Variants in VPS13A observed in about 807,000 individuals in gnomAD.
The protein encoded by VPS13A is vacuolar protein sorting 13 homolog A, also known as intermembrane lipid transfer protein VPS13A.
In VPS13A, 264 loss-of-function variants were observed where a neutral mutation model predicts 390.9. The observed-to-expected ratio is 0.68, with a 90% CI of 0.61 to 0.75. The LOEUF is 0.75. VPS13A is among the 30% of genes least tolerant of loss of function. The pLI is 0.00. For missense variants in VPS13A, 3,409 were observed against 3,733.9 expected, an observed-to-expected ratio of 0.91 and a Z score of 2.27; for synonymous variants, 1,231 against 1,227.1, an observed-to-expected ratio of 1.00 and a Z score of -0.07.
At chr9:77,349,151 A>G (rs1378434458) in intron 52 of VPS13A, among the ~76,000 whole-genome samples, 1 of 152,156 alleles carries the variant, frequency 6.6e-6, no homozygotes, top group East Asian at 1.9e-4. Context: ...CTGTAATCCA[A>G]ATACTGTCAA....
At chr9:77,390,997 A>G (rs2131628860) in intron 68 of VPS13A, among the ~76,000 whole-genome samples, 1 of 152,350 alleles carries the variant, frequency 6.6e-6, no homozygotes, top group South Asian at 2.1e-4. Flanking sequence ...ACATTAAAAG[A>G]AATCCTCAAA....
chr9:77,237,979 T>G, intron 17 of VPS13A, 23 bp from the exon 18 acceptor site: 1 of 1,555,004 alleles, frequency 6.4e-7, no homozygotes, highest in Non-Finnish European at 8.8e-7. Flanking sequence ...ATCGCTGACT[T>G]TTTTCTTTTT....
chr9:77,216,705 A>T lies in VPS13A; in HGVS notation c.754+2319A>T, dbSNP rs1278209075. On this transcript the variant is annotated intron_variant, in intron 10 of 71. Transcript: ENST00000360280. ...TAATAGGACAGGTGTATATTTAAAG[A>T]TGAGTTTATTAAGGAGTATTGACTC... Among the ~76,000 whole-genome samples the T allele has an allele frequency of 3.3e-5, 5 of 152,280 alleles. No homozygotes were observed. In the South Asian group the frequency reaches 8.3e-4, roughly 25 times the overall value.
chr9:77,325,114 A>G (rs747707649), intron 45 of VPS13A, among the ~76,000 whole-genome samples: 2 of 152,226 alleles, frequency 1.3e-5, no homozygotes, highest in African/African-American at 2.4e-5. Flanking sequence ...CAGTACCTGG[A>G]TTTAACCACA....
intron 3 of VPS13A, among the ~76,000 whole-genome samples, chr9:77,204,561 TAC>T (rs1425234003): frequency 1.3e-5 from 2 of 152,202 alleles, no homozygotes; most frequent in Non-Finnish European, 2.9e-5. Flanking sequence ...CATACATACA[TAC>T]GTATGTAACA....
chr9:77,289,190 A>G (rs535910002), intron 31 of VPS13A, among the ~76,000 whole-genome samples: 3 of 152,270 alleles, frequency 2.0e-5, no homozygotes, highest in African/African-American at 7.2e-5. Context: ...CTAAGTAGTA[A>G]GTAGCTGGGA....
intron 7 of VPS13A, 82 bp downstream of exon 7, chr9:77,210,757 A>G (rs1825937491): frequency 2.1e-6 from 3 of 1,399,000 alleles, no homozygotes; most frequent in Admixed American, 3.4e-5. Context: ...ATATGCCAGC[A>G]TCAGAAATAG....
At chr9:77,410,239 A>T (rs1300808333) in intron 71 of VPS13A, among the ~76,000 whole-genome samples, 2 of 152,168 alleles carry the variant, frequency 1.3e-5, no homozygotes, top group African/African-American at 2.4e-5. Flanking sequence ...ACAGAAAGGC[A>T]AATGCTGAGA....
intron 22 of VPS13A, 74 bp from the exon 23 acceptor site, chr9:77,260,012 A>AG: frequency 1.0e-6 from 1 of 983,470 alleles, no homozygotes; most frequent in Non-Finnish European, 1.5e-6. Context: ...TAATTTGAGA[A>AG]CAGTCTTTTT....
intron 46 of VPS13A, 130 bp from the exon 47 acceptor site, chr9:77,337,125 T>C: frequency 2.0e-6 from 2 of 998,852 alleles, no homozygotes; most frequent in Non-Finnish European, 2.9e-6. Context: ...TCGTAAAAAG[T>C]ATATGAAAAT....
intron 1 of VPS13A, among the ~76,000 whole-genome samples, chr9:77,188,158 C>T (rs1824460021): frequency 6.6e-6 from 1 of 152,212 alleles, no homozygotes; most frequent in Non-Finnish European, 1.5e-5. Context: ...CTTTTGCCTT[C>T]TGCCATGATT....
intron 3 of VPS13A, among the ~76,000 whole-genome samples, chr9:77,204,047 C>A (rs1394943971): frequency 6.6e-6 from 1 of 152,038 alleles, no homozygotes; most frequent in Non-Finnish European, 1.5e-5. Context: ...AAAAAGAAAT[C>A]AGATAGTTCA....
intron 27 of VPS13A, among the ~76,000 whole-genome samples, chr9:77,281,246 A>C (rs1461925672): frequency 1.3e-5 from 2 of 152,162 alleles, no homozygotes; most frequent in Non-Finnish European, 2.9e-5. Context: ...AACTGTAATC[A>C]ATAATAATGT....
At position 77,280,228 on chromosome 9, in the gene VPS13A, A is replaced by G. The variant is rs980599155; in HGVS notation, c.2894A>G (p.Glu965Gly). The G allele has an allele frequency of 6.2e-7, 1 of 1,612,440 alleles. No homozygotes were observed. Among genetic ancestry groups the G allele is most frequent in the Non-Finnish European group, 8.5e-7 (1 of 1,178,882 alleles). ...ACAATGGAAGACCTGTTAACGCTGG[A>G]ATATGTAAAGGTAAGCAGTTTCATT... The part of the protein sequence containing the change: ...DNTMEDLLTL[E>G]YVKAEKNVPD... The change falls in exon 27 of 72, where the codon GAA becomes GGA. Residue 965 changes from glutamate to glycine, a missense_variant. Physicochemically the swap from Glu to Gly is moderately conservative, Grantham distance 98 (BLOSUM62 -2). Transcript: ENST00000360280.
At chr9:77,287,257 A>G (rs1342584301) in intron 31 of VPS13A, among the ~76,000 whole-genome samples, 1 of 148,776 alleles carries the variant, frequency 6.7e-6, no homozygotes, top group Non-Finnish European at 1.5e-5. Context: ...TCTGTCTCCA[A>G]TCACACAATC....
At chr9:77,276,741 G>A (rs1826694498) in intron 26 of VPS13A, among the ~76,000 whole-genome samples, 1 of 152,182 alleles carries the variant, frequency 6.6e-6, no homozygotes, top group Non-Finnish European at 1.5e-5. Context: ...GCGGATGGCT[G>A]CCCTTAGGCC....
chr9:77,321,582 C>G lies in VPS13A; in HGVS notation c.5666C>G (p.Ser1889Cys), dbSNP rs747666555. ...TTAAATTCCCTTGGACTTACTATTT[C>G]TGTTTCGCCAAGTGATTCTTTTAGT... ...MILNSLGLTI[S>C]VSPSDSFSVL... The change falls in exon 44 of 72, where the codon TCT becomes TGT. Residue 1889 changes from serine (S) to cysteine (C), a missense_variant. Physicochemically the swap from Ser to Cys is moderately radical, Grantham distance 112 (BLOSUM62 -1). Around this residue, in one of 5 missense-constraint regions of VPS13A, gnomAD observed 2,717 missense variants for 2,917.4 expected, o/e 0.93. Coordinates refer to ENST00000360280, the MANE Select transcript of VPS13A (RefSeq NM_033305.3). The G allele has an allele frequency of 6.2e-7, 1 of 1,613,450 alleles. No individual in the cohort carries two copies. The highest frequency in any genetic ancestry group is 8.5e-7 in the Non-Finnish European group (1 of 1,179,610).
chr9:77,371,654 A>ATT (rs76102647), intron 67 of VPS13A, among the ~76,000 whole-genome samples: 11 of 147,580 alleles, frequency 7.5e-5, no homozygotes, highest in Admixed American at 4.0e-4. Flanking sequence ...ATTCATTTTG[A>ATT]TTTTTTTTTT....
intron 71 of VPS13A, among the ~76,000 whole-genome samples, chr9:77,413,191 A>G (rs890621588): frequency 3.3e-5 from 5 of 152,214 alleles, no homozygotes; most frequent in African/African-American, 9.6e-5. Flanking sequence ...TATAGATTCA[A>G]TGCCATCCCC....
Sources: allele counts gnomAD v4.1 joint callset (sites outside exome capture counted in the v4.1 genomes callset), GRCh38; gene constraint gnomAD v4.1.1; regional missense constraint gnomAD v4.1.1; transcripts MANE v1.5; gene names NCBI Gene and HGNC (gene_info 2026-07-23, HGNC 2026-07-21).